LRPAP1: variants seen among roughly 807,000 people sequenced by gnomAD.
LRPAP1 encodes the protein LDL receptor related protein associated protein 1.
LRPAP1 carries 41 observed loss-of-function variants against 39.9 expected under a neutral mutation model. The observed-to-expected ratio is 1.03, with a 90% CI of 0.80 to 1.33. The LOEUF is 1.33. Among genes scored for constraint, LRPAP1 ranks in the 40% most tolerant of loss-of-function variants. The pLI is 0.00. For synonymous variants in LRPAP1, 263 were observed against 212.7 expected, an observed-to-expected ratio of 1.24 and a Z score of -2.06; for missense variants, 565 against 482.3, an observed-to-expected ratio of 1.17 and a Z score of -1.61.
intron 1 of LRPAP1, among the ~76,000 whole-genome samples, chr4:3,529,035 C>T (rs1264941034): frequency 6.6e-6 from 1 of 152,144 alleles, no homozygotes; most frequent in Non-Finnish European, 1.5e-5. Flanking sequence ...TAAGGACTGT[C>T]TGCGTGCGGT....
intron 1 of LRPAP1, 24 bp downstream of exon 1, chr4:3,532,185 C>A (rs1243366578): frequency 1.7e-6 from 2 of 1,189,834 alleles, no homozygotes. Context: ...AGGCCCCGCT[C>A]CACCGACCGC....
chr4:3,511,437 T>C lies in LRPAP1; in HGVS notation c.*1537A>G, dbSNP rs1474836821. 1 of 151,960 alleles carries C rather than the reference T, an allele frequency of 6.6e-6. No individual in the cohort carries two copies. The highest frequency in any genetic ancestry group is 1.5e-5 in the Non-Finnish European group (1 of 68,040). The allele number at this position is 151,960 out of a possible 1,614,324, so 9.4% of individuals were successfully genotyped here. On this transcript the variant is annotated 3_prime_UTR_variant, in exon 8 of 8. Transcript: ENST00000650182. ...ACAGGGCTGAGTCTCACCAACACAC[T>C]GAGTACCTTAAGGCTCTCAGGATAA...
At position 3,504,901 on chromosome 4, in the gene LRPAP1, C is replaced by T. The variant is rs1487218341; in HGVS notation, c.*8073G>A. Among the ~76,000 whole-genome samples, 5 of 152,116 alleles carry T rather than the reference C, an allele frequency of 3.3e-5. No homozygotes were observed. Among genetic ancestry groups the T allele is most frequent in the East Asian group, 3.9e-4 (2 of 5,166 alleles). ...GGCAGAGGTTGCAGTGAGCCGAGATCGCACCAACGCACTCCAGCCTGGGCG... is the reference window on the plus strand; with the variant it reads ...GGCAGAGGTTGCAGTGAGCCGAGATTGCACCAACGCACTCCAGCCTGGGCG... On this transcript the variant is annotated 3_prime_UTR_variant, in exon 8 of 8. Coordinates refer to ENST00000650182, the MANE Select transcript of LRPAP1 (RefSeq NM_002337.4).
Position 3,510,997 on chromosome 4 carries a change from T to C in LRPAP1, c.*1977A>G, listed in dbSNP as rs1729488585. 1 of 151,992 alleles carries C rather than the reference T, an allele frequency of 6.6e-6. No individual in the cohort carries two copies. The allele number at this position is 151,992 out of a possible 1,614,324, so 9.4% of individuals were successfully genotyped here. ...TAACTGCCTCCCCTCAACACCATGGTCTCCCACATACAAAAGAGGCCATTA... is the reference window on the plus strand; with the variant it reads ...TAACTGCCTCCCCTCAACACCATGGCCTCCCACATACAAAAGAGGCCATTA... On this transcript the variant is annotated 3_prime_UTR_variant, in exon 8 of 8. Transcript: ENST00000650182.
intron 1 of LRPAP1, among the ~76,000 whole-genome samples, chr4:3,527,562 G>T (rs548200052): frequency 6.6e-6 from 1 of 152,252 alleles, no homozygotes; most frequent in African/African-American, 2.4e-5. Flanking sequence ...CACTGCCCGG[G>T]AGGGTCTGAG....
At chr4:3,526,043 C>T (rs1026238957) in intron 1 of LRPAP1, among the ~76,000 whole-genome samples, 3 of 152,202 alleles carry the variant, frequency 2.0e-5, no homozygotes, top group African/African-American at 7.2e-5. Flanking sequence ...TGAACCAGAA[C>T]GTGTCATGAG....
intron 2 of LRPAP1, among the ~76,000 whole-genome samples, chr4:3,522,134 A>AGGCCCGCCTGT (rs1194196441): frequency 6.6e-6 from 1 of 152,246 alleles, no homozygotes; most frequent in Admixed American, 6.5e-5. Context: ...CGTCCTGCCC[A>AGGCCCGCCTGT]GACCCCCAAG....
At position 3,510,272 on chromosome 4, in the gene LRPAP1, A is replaced by C. The variant is rs938765983; in HGVS notation, c.*2702T>G. 5 of 152,340 alleles carry C rather than the reference A, an allele frequency of 3.3e-5. No homozygotes were observed. The East Asian group carries it at 9.6e-4, about 29-fold the overall frequency. The allele number at this position is 152,340 out of a possible 1,614,324, so 9.4% of individuals were successfully genotyped here. ...AGTAAAACCCCGTCTCTACAAAAAAAATAAAAATAAAAAAAATAAAATCAG... is the reference window on the plus strand; with the variant it reads ...AGTAAAACCCCGTCTCTACAAAAAACATAAAAATAAAAAAAATAAAATCAG... On this transcript the variant is annotated 3_prime_UTR_variant, in exon 8 of 8. Coordinates refer to ENST00000650182, the MANE Select transcript of LRPAP1 (RefSeq NM_002337.4).
At chr4:3,528,648 C>T (rs892921243) in intron 1 of LRPAP1, among the ~76,000 whole-genome samples, 16 of 152,230 alleles carry the variant, frequency 1.1e-4, no homozygotes, top group Non-Finnish European at 1.9e-4. Context: ...TGCAAGGCAC[C>T]CACCATGAGG....
At position 3,503,931 on chromosome 4, in the gene LRPAP1, A is replaced by C. The variant is rs1328875050; in HGVS notation, c.*9043T>G. 2 of 152,356 alleles carry C rather than the reference A, an allele frequency of 1.3e-5. No individual in the cohort carries two copies. The highest frequency in any genetic ancestry group is 1.3e-4 in the Admixed American group (2 of 15,286). The allele number at this position is 152,356 out of a possible 1,614,324, so 9.4% of individuals were successfully genotyped here. ...GGGCCCAGGAAGGTCGTGAGCGCCA[A>C]GCACCCAGTGCTGCTGCCCCAGGGC... is the stretch of plus-strand genomic sequence containing the variant. On this transcript the variant is annotated 3_prime_UTR_variant, in exon 8 of 8. Transcript: ENST00000650182.
intron 3 of LRPAP1, 32 bp downstream of exon 3, chr4:3,520,040 T>C (rs1320286040): frequency 3.1e-6 from 5 of 1,610,182 alleles, no homozygotes; most frequent in Non-Finnish European, 3.4e-6. Flanking sequence ...ACGGCACCAA[T>C]TCTGCAAGGT....
At chr4:3,527,331 AC>A (rs1415905072) in intron 1 of LRPAP1, among the ~76,000 whole-genome samples, 1 of 151,910 alleles carries the variant, frequency 6.6e-6, no homozygotes, top group African/African-American at 2.4e-5. Flanking sequence ...GCCCTAGGAG[AC>A]CTGAGGTCTG....
chr4:3,520,350 G>C, intron 2 of LRPAP1, 157 bp from the exon 3 acceptor site: 1 of 731,552 alleles, frequency 1.4e-6, no homozygotes, highest in East Asian at 2.7e-5. Context: ...GAGATCTGGG[G>C]AGAACAAGAA....
rs748560583 is a variant in LRPAP1, at chr4:3,514,788, G to T, written c.975C>A (p.Ala325=). The change falls in exon 7 of 8, where the codon GCC becomes GCA. Residue 325 remains alanine, a synonymous_variant. Transcript: ENST00000650182. ...GCTCCTTGGTCCGCCCCTCCAGCAGGGCGTGCTTCTCGCGGCTGCGGCTCA... is the reference window on the plus strand; with the variant it reads ...GCTCCTTGGTCCGCCCCTCCAGCAGTGCGTGCTTCTCGCGGCTGCGGCTCA... ...ERVSRSREKH[A]LLEGRTKELG... The T allele has an allele frequency of 1.3e-5, 21 of 1,612,508 alleles. No homozygotes were observed. The highest frequency in any genetic ancestry group is 1.7e-5 in the Non-Finnish European group (20 of 1,179,724).
At chr4:3,529,613 C>T (rs567123125) in intron 1 of LRPAP1, among the ~76,000 whole-genome samples, 26 of 152,248 alleles carry the variant, frequency 1.7e-4, no homozygotes, top group Middle Eastern at 3.4e-3. Context: ...CAGTGGAGCC[C>T]GCCTGTGAAA....
intron 5 of LRPAP1, among the ~76,000 whole-genome samples, chr4:3,517,510 G>C (rs1030766160): frequency 6.6e-6 from 1 of 152,244 alleles, no homozygotes; most frequent in Non-Finnish European, 1.5e-5. Flanking sequence ...CCCTGCACAA[G>C]GCTCTGGCCC....
chr4:3,516,267 C>A, intron 5 of LRPAP1, 69 bp from the exon 6 acceptor site: 2 of 1,251,222 alleles, frequency 1.6e-6, no homozygotes, highest in Non-Finnish European at 1.1e-6. Flanking sequence ...CCCGCGGCAA[C>A]CACGCTGAGT....
intron 1 of LRPAP1, among the ~76,000 whole-genome samples, chr4:3,525,649 C>T (rs1360637443): frequency 2.0e-5 from 3 of 152,148 alleles, no homozygotes; most frequent in Non-Finnish European, 4.4e-5. Flanking sequence ...GGCAGCGCCC[C>T]GGAACGAGCT....
chr4:3,513,211 A>G (rs1741553), intron 7 of LRPAP1, among the ~76,000 whole-genome samples, 175 bp from the exon 8 acceptor site: 108,667 of 152,246 alleles, frequency 0.71, 39,158 homozygotes, highest in East Asian at 0.93. Context: ...GCAGCTCAGT[A>G]CTAACTAGAA....
Sources: gnomAD v4.1 joint callset for allele counts (sites outside exome capture counted in the v4.1 genomes callset) on GRCh38, gnomAD v4.1.1 for gene constraint, MANE v1.5 for transcripts, NCBI Gene and HGNC (gene_info 2026-07-23, HGNC 2026-07-21) for gene names.